SNTB2: variants seen among roughly 807,000 people sequenced by gnomAD.
SNTB2 encodes the protein syntrophin beta 2.
A neutral mutation model predicts 46.2 loss-of-function variants in SNTB2; 34 were observed. That is an observed-to-expected ratio of 0.74 (90% CI 0.56 to 0.98). The LOEUF is 0.98. Ranked by LOEUF, SNTB2 falls within the 50% of genes least tolerant of loss-of-function variation. The pLI is 0.00. For synonymous variants in SNTB2, 290 were observed against 312.6 expected (o/e 0.93, Z 0.76); for missense variants, 603 against 731.4 (o/e 0.82, Z 2.02).
intron 1 of SNTB2, among the ~76,000 whole-genome samples, chr16:69,207,770 A>T (rs527670341): frequency 2.0e-5 from 3 of 152,054 alleles, no homozygotes; most frequent in Non-Finnish European, 4.4e-5. Flanking sequence ...TGTAGCCTCT[A>T]ATACTGTAGC....
chr16:69,190,539 A>G (rs1964039826), intron 1 of SNTB2, among the ~76,000 whole-genome samples: 1 of 152,202 alleles, frequency 6.6e-6, no homozygotes. Context: ...GCAGAGGGCT[A>G]AAAGTGCTGT....
At chr16:69,226,456 C>A (rs1964461465) in intron 1 of SNTB2, among the ~76,000 whole-genome samples, 1 of 151,486 alleles carries the variant, frequency 6.6e-6, no homozygotes, top group Non-Finnish European at 1.5e-5. Flanking sequence ...ATGTTGGGTT[C>A]CTGAGGCAAG....
chr16:69,200,029 C>G (rs535977786), intron 1 of SNTB2, among the ~76,000 whole-genome samples: 2 of 152,044 alleles, frequency 1.3e-5, no homozygotes, highest in Non-Finnish European at 2.9e-5. Flanking sequence ...ATTCTCCTGC[C>G]GCAGCCTCTT....
chr16:69,290,225 G>A (rs1171447561), intron 5 of SNTB2, among the ~76,000 whole-genome samples: 2 of 152,182 alleles, frequency 1.3e-5, no homozygotes, highest in Non-Finnish European at 2.9e-5. Context: ...GGCATAGAAT[G>A]CAGCTCTCTT....
At chr16:69,229,972 A>G (rs1299912337) in intron 1 of SNTB2, among the ~76,000 whole-genome samples, 2 of 151,722 alleles carry the variant, frequency 1.3e-5, no homozygotes, top group Non-Finnish European at 2.9e-5. Context: ...TTTTTTGTAG[A>G]TACATGGTCC....
intron 2 of SNTB2, among the ~76,000 whole-genome samples, chr16:69,254,009 A>C (rs1472230628): frequency 6.6e-6 from 1 of 152,170 alleles, no homozygotes; most frequent in African/African-American, 2.4e-5. Flanking sequence ...TTTCTGGTCA[A>C]GGTTTTGCAG....
At chr16:69,259,530 C>T (rs372404970) in intron 2 of SNTB2, among the ~76,000 whole-genome samples, 13 of 151,438 alleles carry the variant, frequency 8.6e-5, no homozygotes, top group Admixed American at 4.0e-4. Context: ...CCACCGTGCC[C>T]GGCCTCTGAT....
rs1030067371 is a variant in SNTB2, at chr16:69,233,993, C to G, written c.581-11609C>G. ...TATGATTGTGCCACTGCACTCCGACCTGGACAACAAAGTGAGACTCTGTCT... is the reference window on the plus strand; with the variant it reads ...TATGATTGTGCCACTGCACTCCGACGTGGACAACAAAGTGAGACTCTGTCT... On this transcript the variant is annotated intron_variant, in intron 1 of 6. Coordinates refer to ENST00000336278, the MANE Select transcript of SNTB2 (RefSeq NM_006750.4). Among the ~76,000 whole-genome samples, 26 of 152,016 alleles carry G rather than the reference C, an allele frequency of 1.7e-4. 1 individual carries two copies. Among genetic ancestry groups the G allele is most frequent in the African/African-American group, 6.0e-4 (25 of 41,454 alleles).
intron 4 of SNTB2, among the ~76,000 whole-genome samples, chr16:69,282,388 G>A (rs1247401364): frequency 1.3e-5 from 2 of 151,408 alleles, no homozygotes; most frequent in Non-Finnish European, 2.9e-5. Context: ...TCAAAGATCA[G>A]TTGACTGTAT....
At chr16:69,231,378 GGGGA>G (rs1964504747) in intron 1 of SNTB2, among the ~76,000 whole-genome samples, 1 of 151,802 alleles carries the variant, frequency 6.6e-6, no homozygotes, top group African/African-American at 2.4e-5. Flanking sequence ...CATCTGAGGT[GGGGA>G]GATGGAGACC....
intron 1 of SNTB2, among the ~76,000 whole-genome samples, chr16:69,230,651 G>T (rs1479743800): frequency 6.6e-6 from 1 of 151,648 alleles, no homozygotes; most frequent in Non-Finnish European, 1.5e-5. Context: ...ATGAGCCACT[G>T]CGCCTGGCCG....
chr16:69,193,916 G>A lies in SNTB2; in HGVS notation c.580+6170G>A, dbSNP rs79260257. On this transcript the variant is annotated intron_variant, in intron 1 of 6. Transcript: ENST00000336278. ...CTGTTTCTCTCTGAGAATGTCTTTT[G>A]CAACAGCTTTATTCTAGTCCTTTTA... 4.2e-3 allele frequency among the ~76,000 whole-genome samples: 647 copies of A among 152,244 alleles called. 18 individuals are homozygous for A. In the East Asian group the frequency reaches 0.059, roughly 14 times the overall value.
intron 2 of SNTB2, among the ~76,000 whole-genome samples, chr16:69,257,129 C>G (rs1964784645): frequency 1.3e-5 from 2 of 151,118 alleles, no homozygotes; most frequent in Non-Finnish European, 2.9e-5. Context: ...TGAGATCGTG[C>G]CACTGTACTC....
intron 1 of SNTB2, among the ~76,000 whole-genome samples, chr16:69,201,642 A>G (rs1298763974): frequency 6.6e-6 from 1 of 152,198 alleles, no homozygotes; most frequent in Non-Finnish European, 1.5e-5. Context: ...TTGTTAGATT[A>G]TTGTCAACAA....
chr16:69,237,583 TTTTCTTTCTTTC>T (rs1226861520), intron 1 of SNTB2, among the ~76,000 whole-genome samples: 1 of 144,806 alleles, frequency 6.9e-6, no homozygotes, highest in African/African-American at 2.6e-5. Flanking sequence ...ATTTCTTTTT[TTTTCTTTCTTTC>T]TTTCTTTCTT....
intron 6 of SNTB2, among the ~76,000 whole-genome samples, chr16:69,300,443 G>T (rs1057436387): frequency 1.3e-5 from 2 of 151,962 alleles, no homozygotes; most frequent in Non-Finnish European, 2.9e-5. Flanking sequence ...GTAGAGATGG[G>T]GTTTCACCGT....
At chr16:69,204,723 A>G (rs1964196792) in intron 1 of SNTB2, among the ~76,000 whole-genome samples, 1 of 152,232 alleles carries the variant, frequency 6.6e-6, no homozygotes, top group Non-Finnish European at 1.5e-5. Flanking sequence ...CAGTGTATGG[A>G]AATCTGCAGC....
In SNTB2 at chr16:69,292,406, A is replaced by T. The variant is rs866665144; in HGVS notation, c.1346-7184A>T. ...ATATATATATTATATATATATATAT[A>T]TTATATATATATTATATATATATAT... On this transcript the variant is annotated intron_variant, in intron 5 of 6. Coordinates refer to ENST00000336278, the MANE Select transcript of SNTB2 (RefSeq NM_006750.4). Among the ~76,000 whole-genome samples, 8 of 36,470 alleles carry T rather than the reference A, an allele frequency of 2.2e-4. 2 individuals carry two copies. Among genetic ancestry groups the T allele is most frequent in the South Asian group, 7.8e-4 (1 of 1,286 alleles). The allele number at this position is 36,470 out of a possible 152,430, so 23.9% of individuals were successfully genotyped here. A position where few individuals can be genotyped will look rare whatever the true frequency, so the allele number is the denominator to read the frequency against.
chr16:69,214,772 C>G (rs910878136), intron 1 of SNTB2, among the ~76,000 whole-genome samples: 1 of 150,040 alleles, frequency 6.7e-6, no homozygotes, highest in Non-Finnish European at 1.5e-5. Context: ...GGTGATCCAC[C>G]CATCTCAGCC....
Sources: allele counts gnomAD v4.1 joint callset (sites outside exome capture counted in the v4.1 genomes callset), GRCh38; gene constraint gnomAD v4.1.1; transcripts MANE v1.5; gene names NCBI Gene and HGNC (gene_info 2026-07-23, HGNC 2026-07-21).